The following DMD variants were observed in gnomAD, a reference collection of about 807,000 sequenced individuals.
DMD encodes the protein dystrophin, also known as mutant dystrophin.
A neutral mutation model predicts 330.1 loss-of-function variants in DMD; 63 were observed. The observed-to-expected ratio is 0.19, with a 90% CI of 0.16 to 0.24. DMD has a LOEUF of 0.24. DMD is among the 10% of genes least tolerant of loss of function. DMD has a pLI of 1.00. For missense variants in DMD, 3,344 were observed against 2,684.1 expected, an observed-to-expected ratio of 1.25 and a Z score of -5.43; for synonymous variants, 1,223 against 959.8, an observed-to-expected ratio of 1.27 and a Z score of -5.07.
At chrX:33,155,430 C>T (rs1433485256) in intron 1 of DMD, among the ~76,000 whole-genome samples, 1 of 109,783 alleles carries the variant, frequency 9.1e-6, no homozygotes, top group Non-Finnish European at 1.9e-5. Context: ...ATTCTCCTGC[C>T]TTGGCCTCCT....
At chrX:32,528,988 C>A (rs1193207414) in intron 17 of DMD, among the ~76,000 whole-genome samples, 1 of 101,150 alleles carries the variant, frequency 9.9e-6, no homozygotes, top group African/African-American at 3.6e-5. Context: ...GTGACACAAT[C>A]TTGGCTCACT....
intron 62 of DMD, among the ~76,000 whole-genome samples, chrX:31,289,635 G>C (rs2147976430): frequency 9.1e-6 from 1 of 110,179 alleles, no homozygotes; most frequent in East Asian, 2.8e-4. Context: ...TTGAACCTGG[G>C]CTCTAACACT....
chrX:32,425,891 A>G (rs2098210752), intron 29 of DMD, among the ~76,000 whole-genome samples: 1 of 112,084 alleles, frequency 8.9e-6, no homozygotes, highest in African/African-American at 3.2e-5. Flanking sequence ...CAATGAGGAA[A>G]GGACTCCCTA....
rs775392424 is a variant in DMD, at chrX:31,505,921, TACGCCTGGCCCACCCAG to T, written c.8390+1343_8390+1359del. ...TGCTGGGATTACAGGCGTGAGCCAC[TACGCCTGGCCCACCCAG>T]ACTCCCTGTTTTCATCTTGTATCTT... On this transcript the variant is annotated intron_variant, in intron 56 of 78. Transcript: ENST00000357033. Among the ~76,000 whole-genome samples the T allele has an allele frequency of 5.5e-3, 617 of 111,975 alleles. 3 individuals are homozygous for T. The highest frequency in any genetic ancestry group is 0.028 in the Middle Eastern group (6 of 217).
At chrX:32,652,985 C>A (rs1400267151) in intron 9 of DMD, among the ~76,000 whole-genome samples, 1 of 111,840 alleles carries the variant, frequency 8.9e-6, no homozygotes, top group Non-Finnish European at 1.9e-5. Context: ...TGTTCATATC[C>A]TTTGCCCACT....
At chrX:31,252,730 T>C (rs980462734) in intron 63 of DMD, among the ~76,000 whole-genome samples, 4 of 112,602 alleles carry the variant, frequency 3.6e-5, no homozygotes, top group African/African-American at 1.3e-4. Flanking sequence ...AATATGATTA[T>C]AGGCTAGGAG....
chrX:33,073,390 C>A (rs2094789308), intron 1 of DMD, among the ~76,000 whole-genome samples: 1 of 112,048 alleles, frequency 8.9e-6, no homozygotes, highest in African/African-American at 3.2e-5. Context: ...GGCAAAATTT[C>A]TCCACTTTGT....
intron 1 of DMD, among the ~76,000 whole-genome samples, chrX:33,022,956 C>T (rs1265408629): frequency 9.0e-6 from 1 of 111,661 alleles, no homozygotes; most frequent in African/African-American, 3.2e-5. Context: ...TTTGGCAATG[C>T]ATAACTTATT....
chrX:33,078,925 C>A lies in DMD; in HGVS notation c.32-58725G>T, dbSNP rs1009334500. Among the ~76,000 whole-genome samples the A allele has an allele frequency of 2.7e-5, 3 of 112,243 alleles. No individual in the cohort carries two copies. The East Asian group carries it at 8.4e-4, about 31-fold the overall frequency. Reference sequence around the variant, plus strand: ...AGTCCAAAGAAAACCAAACACCATTCACTCTTCTATTTGAAAGTTTTCCTT... The same window carrying A: ...AGTCCAAAGAAAACCAAACACCATTAACTCTTCTATTTGAAAGTTTTCCTT... On this transcript the variant is annotated intron_variant, in intron 1 of 78. Transcript: ENST00000357033.
At chrX:33,312,490 A>G (rs898677984) in intron 1 of DMD, among the ~76,000 whole-genome samples, 6 of 111,791 alleles carry the variant, frequency 5.4e-5, no homozygotes, top group African/African-American at 2.0e-4. Context: ...CACCTGCATA[A>G]CTTGAATGTC....
At chrX:31,441,324 G>A (rs1003717921) in intron 60 of DMD, among the ~76,000 whole-genome samples, 3 of 111,633 alleles carry the variant, frequency 2.7e-5, no homozygotes, top group African/African-American at 9.8e-5. Flanking sequence ...AGCCTCCAGA[G>A]TAGCTAGGAT....
chrX:32,501,680 A>G, intron 19 of DMD, 75 bp downstream of exon 19: 1 of 749,927 alleles, frequency 1.3e-6, no homozygotes, highest in Non-Finnish European at 2.1e-6. Context: ...GTCTGATATA[A>G]TTCAGCTGAT....
At chrX:31,259,074 T>C (rs2050256736) in intron 63 of DMD, among the ~76,000 whole-genome samples, 1 of 111,884 alleles carries the variant, frequency 8.9e-6, no homozygotes, top group African/African-American at 3.3e-5. Context: ...GGGTTACGAA[T>C]GATTTGTCTC....
intron 60 of DMD, among the ~76,000 whole-genome samples, chrX:31,422,752 C>T (rs756440168): frequency 1.5e-4 from 17 of 111,681 alleles, no homozygotes; most frequent in African/African-American, 4.9e-4. Flanking sequence ...GGAAAGTATC[C>T]TATGGAGTTT....
At chrX:32,804,146 A>G (rs1823224058) in intron 7 of DMD, among the ~76,000 whole-genome samples, 1 of 111,328 alleles carries the variant, frequency 9.0e-6, no homozygotes, top group Admixed American at 9.5e-5. Flanking sequence ...TCCCCTGGAA[A>G]GGGGGCTGAA....
At chrX:32,709,896 G>A (rs749665531) in intron 7 of DMD, among the ~76,000 whole-genome samples, 3 of 111,515 alleles carry the variant, frequency 2.7e-5, no homozygotes, top group African/African-American at 6.5e-5. Flanking sequence ...TGACTGAGAA[G>A]TAGTAGGTAC....
intron 55 of DMD, among the ~76,000 whole-genome samples, chrX:31,585,254 G>A (rs896684606): frequency 3.4e-4 from 35 of 104,304 alleles, no homozygotes; most frequent in Non-Finnish European, 5.9e-4. Context: ...AGCCCAGGAG[G>A]TGGAGGTTGC....
At chrX:32,865,418 G>A (rs1210108277) in intron 2 of DMD, among the ~76,000 whole-genome samples, 1 of 111,371 alleles carries the variant, frequency 9.0e-6, no homozygotes, top group Admixed American at 9.6e-5. Flanking sequence ...ATACAAGGTT[G>A]AACAGGTTAT....
intron 33 of DMD, among the ~76,000 whole-genome samples, chrX:32,382,851 A>C (rs930478432): frequency 9.0e-6 from 1 of 110,813 alleles, no homozygotes; most frequent in Non-Finnish European, 1.9e-5. Context: ...TTTCCAGCTA[A>C]ATACATTTTT....
Sources: allele counts gnomAD v4.1 joint callset (sites outside exome capture counted in the v4.1 genomes callset), GRCh38; gene constraint gnomAD v4.1.1; transcripts MANE v1.5; gene names NCBI Gene and HGNC (gene_info 2026-07-23, HGNC 2026-07-21).